CIP2A: variants seen among roughly 807,000 people sequenced by gnomAD.
CIP2A encodes protein CIP2A.
In CIP2A, 103 loss-of-function variants were observed where a neutral mutation model predicts 110.9. The observed-to-expected ratio is 0.93, with a 90% CI of 0.79 to 1.09. CIP2A has a LOEUF of 1.09. CIP2A is among the 50% of genes least tolerant of loss of function. CIP2A has a pLI of 0.00. For synonymous variants in CIP2A, 381 were observed against 361.6 expected (o/e 1.05, Z -0.61); for missense variants, 1,088 against 1,038.4 (o/e 1.05, Z -0.66).
chr3:108,585,905 T>TACAC lies in CIP2A; in HGVS notation c.103-697_103-694dup, dbSNP rs112253293. 2,255 of 378,856 alleles carry TACAC rather than the reference T, an allele frequency of 6.0e-3. 49 individuals carry two copies. Among genetic ancestry groups the TACAC allele is most frequent in the African/African-American group, 0.045 (2,121 of 46,822 alleles). The allele number at this position is 378,856 out of a possible 1,614,324, so 23.5% of individuals were successfully genotyped here. On this transcript the variant is annotated intron_variant, in intron 1 of 20. Transcript: ENST00000295746. The stretch of plus-strand genomic sequence containing the variant: ...ATACACGCATGCACAGACACATACA[T>TACAC]ACACACACACACACACAGAGTGAAA...
chr3:108,554,572 T>C (rs1304192908), intron 17 of CIP2A, 83 bp from the exon 18 acceptor site: 11 of 634,950 alleles, frequency 1.7e-5, no homozygotes, highest in Non-Finnish European at 2.8e-5. Flanking sequence ...TTTTCTTTAC[T>C]ATCTCTTCTA....
intron 7 of CIP2A, among the ~76,000 whole-genome samples, chr3:108,577,898 CTAAATAAA>C (rs1178859510): frequency 2.0e-5 from 3 of 151,834 alleles, no homozygotes; most frequent in African/African-American, 4.8e-5. Flanking sequence ...GACTCTGTCT[CTAAATAAA>C]TAAATAAATA....
Position 108,563,341 on chromosome 3 carries a change from C to G in CIP2A, c.1516-97G>C, listed in dbSNP as rs939911759. On this transcript the variant is annotated intron_variant, in intron 12 of 20. Transcript: ENST00000295746. ...GAGTAAATATATGTAAATCTTAATT[C>G]TAGGCAAATTCTAAAATGTTTCTAA... The G allele has an allele frequency of 8.4e-5, 62 of 734,558 alleles. No homozygotes were observed. The East Asian group carries it at 1.5e-3, about 18-fold the overall frequency. The allele number at this position is 734,558 out of a possible 1,614,324, so 45.5% of individuals were successfully genotyped here.
chr3:108,577,024 T>C (rs1236266097), intron 7 of CIP2A, among the ~76,000 whole-genome samples: 1 of 152,110 alleles, frequency 6.6e-6, no homozygotes, highest in Non-Finnish European at 1.5e-5. Context: ...ACTCGAGTCT[T>C]AAAAACAAAA....
At chr3:108,555,236 C>A (rs935361282) in intron 17 of CIP2A, among the ~76,000 whole-genome samples, 4 of 152,168 alleles carry the variant, frequency 2.6e-5, no homozygotes, top group African/African-American at 9.7e-5. Context: ...TTGGACGCTG[C>A]CTATCTCTTA....
chr3:108,563,046 G>T (rs1210868431), intron 13 of CIP2A, 80 bp downstream of exon 13: 5 of 814,998 alleles, frequency 6.1e-6, no homozygotes, highest in South Asian at 1.6e-5. Context: ...ATTTGCTTGT[G>T]TATCTATACT....
At chr3:108,555,906 T>G (rs1458528596) in intron 17 of CIP2A, among the ~76,000 whole-genome samples, 1 of 152,192 alleles carries the variant, frequency 6.6e-6, no homozygotes, top group Non-Finnish European at 1.5e-5. Context: ...GAGGTCAGTA[T>G]TTGAGCATTT....
intron 1 of CIP2A, chr3:108,585,789 A>G (rs971180695): frequency 4.4e-6 from 2 of 452,336 alleles, no homozygotes; most frequent in African/African-American, 4.0e-5. Context: ...TGAAAAGTGA[A>G]TCTTTTTTTA....
chr3:108,566,610 C>T lies in CIP2A; in HGVS notation c.1302G>A (p.Met434Ile), dbSNP rs572838619. ...CAGTTGTCAAGATTTTTGCAATATG[C>T]ATTTTTAGTGTATCATCTCCACAGA... ...LTLCGDDTLK[M>I]HIAKILTTVK... The change falls in exon 11 of 21, where the codon ATG becomes ATA. Residue 434 changes from methionine to isoleucine, a missense_variant. Physicochemically the swap from Met to Ile is conservative, Grantham distance 10. Coordinates refer to ENST00000295746, the MANE Select transcript of CIP2A (RefSeq NM_020890.3). 3.1e-6 allele frequency: 5 copies of T among 1,604,562 alleles called. No individual in the cohort carries two copies. The highest frequency in any genetic ancestry group is 4.3e-6 in the Non-Finnish European group (5 of 1,175,168).
Position 108,566,393 on chromosome 3 carries a change from T to C in CIP2A, c.1415+104A>G, listed in dbSNP as rs1938181930. The C allele has an allele frequency of 6.0e-6, 5 of 832,174 alleles. No individual in the cohort carries two copies. The South Asian group carries it at 8.8e-5, about 15-fold the overall frequency. The allele number at this position is 832,174 out of a possible 1,614,324, so 51.5% of individuals were successfully genotyped here. A position where few individuals can be genotyped will look rare whatever the true frequency, so the allele number is the denominator to read the frequency against. On this transcript the variant is annotated intron_variant, in intron 11 of 20. Coordinates refer to ENST00000295746, the MANE Select transcript of CIP2A (RefSeq NM_020890.3). ...AAAATATGTTTGTTAATCTGTTATA[T>C]CTTAAGTTATAACCAAAGGATGGTC...
At chr3:108,558,170 A>T (rs1449169022) in intron 16 of CIP2A, among the ~76,000 whole-genome samples, 1 of 152,156 alleles carries the variant, frequency 6.6e-6, no homozygotes, top group Non-Finnish European at 1.5e-5. Flanking sequence ...AAATTATTTT[A>T]ATATCACTAA....
chr3:108,554,322 C>A, intron 18 of CIP2A, 54 bp downstream of exon 18: 1 of 699,000 alleles, frequency 1.4e-6, no homozygotes, highest in South Asian at 1.8e-5. Flanking sequence ...TAAAGGGAAT[C>A]ATTTTGTTTT....
At chr3:108,551,521 G>A (rs545381266) in intron 20 of CIP2A, among the ~76,000 whole-genome samples, 2 of 152,118 alleles carry the variant, frequency 1.3e-5, no homozygotes, top group South Asian at 2.1e-4. Context: ...AATACAAATT[G>A]AGAATACACT....
intron 11 of CIP2A, among the ~76,000 whole-genome samples, 185 bp from the exon 12 acceptor site, chr3:108,565,639 A>G (rs1938155580): frequency 6.6e-6 from 1 of 151,844 alleles, no homozygotes; most frequent in Admixed American, 6.6e-5. Context: ...AGATCCAAAG[A>G]GAACAAACTG....
At chr3:108,568,044 A>G in intron 10 of CIP2A, 111 bp downstream of exon 10, 1 of 750,896 alleles carries the variant, frequency 1.3e-6, no homozygotes, top group Non-Finnish European at 2.0e-6. Flanking sequence ...CTAGATAAAT[A>G]TGAGCATAAA....
At chr3:108,560,159 T>A (rs937902405) in intron 14 of CIP2A, 131 bp from the exon 15 acceptor site, 1 of 597,436 alleles carries the variant, frequency 1.7e-6, no homozygotes, top group Admixed American at 3.1e-5. Context: ...AAATGCTACA[T>A]CAGGTAAGTC....
intron 18 of CIP2A, 80 bp downstream of exon 18, chr3:108,554,296 A>C: frequency 1.8e-6 from 1 of 570,578 alleles, no homozygotes. Context: ...TTATCAATAA[A>C]AAACAATGTT....
chr3:108,587,335 C>T (rs192355118), intron 1 of CIP2A, among the ~76,000 whole-genome samples: 3 of 152,008 alleles, frequency 2.0e-5, no homozygotes, highest in Admixed American at 1.3e-4. Flanking sequence ...GAATTCTACA[C>T]ATCAATAATA....
chr3:108,577,166 C>CA (rs924176138), intron 7 of CIP2A, among the ~76,000 whole-genome samples: 47 of 151,860 alleles, frequency 3.1e-4, no homozygotes, highest in African/African-American at 1.1e-3. Context: ...TGATATTAGA[C>CA]AAAAAAACAA....
Sources: gnomAD v4.1 joint callset for allele counts (sites outside exome capture counted in the v4.1 genomes callset) on GRCh38, gnomAD v4.1.1 for gene constraint, MANE v1.5 for transcripts, NCBI Gene and HGNC (gene_info 2026-07-23, HGNC 2026-07-21) for gene names.